XKR4: variants seen among roughly 807,000 people sequenced by gnomAD.
XKR4 encodes the protein XK-related protein 4.
In XKR4, 12 loss-of-function variants were observed where a neutral mutation model predicts 53.9. That is an observed-to-expected ratio of 0.22 (90% CI 0.14 to 0.36). The LOEUF is 0.36. Among genes scored for constraint, XKR4 ranks in the 10% least tolerant of loss-of-function variants. XKR4 has a pLI of 1.00. For missense variants in XKR4, 799 were observed against 859.5 expected, an observed-to-expected ratio of 0.93 and a Z score of 0.88; for synonymous variants, 354 against 362.4, an observed-to-expected ratio of 0.98 and a Z score of 0.26.
intron 1 of XKR4, among the ~76,000 whole-genome samples, chr8:55,350,350 C>A (rs1585533517): frequency 6.6e-6 from 1 of 152,150 alleles, no homozygotes; most frequent in Admixed American, 6.5e-5. Flanking sequence ...GTAGATGGAA[C>A]CTTAATCTAG....
chr8:55,356,825 CA>C lies in XKR4; in HGVS notation c.807-851del, dbSNP rs200930200. On this transcript the variant is annotated intron_variant, in intron 1 of 2. Coordinates refer to ENST00000327381, the MANE Select transcript of XKR4 (RefSeq NM_052898.2). ...CAGGCAAATTTTATTCCATCTCTAC[CA>C]ACCCTGAGACAGCAAAACCAACCCC... Among the ~76,000 whole-genome samples the C allele has an allele frequency of 2.2e-3, 338 of 152,210 alleles. 1 individual carries two copies. The highest frequency in any genetic ancestry group is 7.7e-3 in the African/African-American group (320 of 41,536).
chr8:55,336,321 C>G (rs1168191971), intron 1 of XKR4, among the ~76,000 whole-genome samples: 3 of 152,072 alleles, frequency 2.0e-5, no homozygotes, highest in Admixed American at 2.0e-4. Flanking sequence ...GTAAGAAGTG[C>G]CTTTTGCCTC....
intron 1 of XKR4, among the ~76,000 whole-genome samples, chr8:55,257,476 AAG>A (rs1818453432): frequency 6.6e-6 from 1 of 151,412 alleles, no homozygotes; most frequent in Non-Finnish European, 1.5e-5. Flanking sequence ...AAGAGAGAGA[AAG>A]GGCATGTACT....
intron 2 of XKR4, among the ~76,000 whole-genome samples, chr8:55,467,081 C>G (rs1307048589): frequency 6.6e-6 from 1 of 152,114 alleles, no homozygotes; most frequent in Non-Finnish European, 1.5e-5. Flanking sequence ...GCTGCAATCT[C>G]ATCTGGGCAC....
Position 55,523,657 on chromosome 8 carries a change from T to C in XKR4, c.1383T>C (p.Tyr461=), listed in dbSNP as rs1449373028. The C allele has an allele frequency of 6.2e-7, 1 of 1,614,210 alleles. No individual in the cohort carries two copies. Among genetic ancestry groups the C allele is most frequent in the Admixed American group, 1.7e-5 (1 of 60,026 alleles). The part of the protein sequence containing the change: ...GRTRCRLFIY[Y]FVILLENTAL... Reference sequence around the variant, plus strand: ...CACGCTGCAGGCTATTCATTTACTATTTTGTGATCCTTTTGGAAAATACAG... The same window carrying C: ...CACGCTGCAGGCTATTCATTTACTACTTTGTGATCCTTTTGGAAAATACAG... Residue 461 remains tyrosine (Y), a synonymous_variant, in exon 3 of 3, where the codon TAT becomes TAC. Coordinates refer to ENST00000327381, the MANE Select transcript of XKR4 (RefSeq NM_052898.2).
chr8:55,484,285 C>T (rs1806159665), intron 2 of XKR4, among the ~76,000 whole-genome samples: 1 of 152,164 alleles, frequency 6.6e-6, no homozygotes, highest in African/African-American at 2.4e-5. Context: ...CACAATCATC[C>T]AGAGCATAGA....
intron 2 of XKR4, among the ~76,000 whole-genome samples, chr8:55,400,278 A>C (rs577886980): frequency 6.6e-6 from 1 of 152,264 alleles, no homozygotes; most frequent in Admixed American, 6.5e-5. Flanking sequence ...ATGGCACCCC[A>C]CCATCATCAG....
At chr8:55,483,921 T>A (rs1234703859) in intron 2 of XKR4, among the ~76,000 whole-genome samples, 1 of 151,906 alleles carries the variant, frequency 6.6e-6, no homozygotes, top group Non-Finnish European at 1.5e-5. Context: ...TTTGAAAAGA[T>A]CAATAAAATT....
At position 55,524,413 on chromosome 8, in the gene XKR4, G is replaced by A. The variant is rs980404270; in HGVS notation, c.*186G>A. On this transcript the variant is annotated 3_prime_UTR_variant, in exon 3 of 3. Coordinates refer to ENST00000327381, the MANE Select transcript of XKR4 (RefSeq NM_052898.2). ...GTCTCCTTCCAAAGCAGCTGCACCC[G>A]AGAGTCTCTGACTCCACCTGAAAGA... 4.7e-5 allele frequency: 29 copies of A among 618,348 alleles called. No individual in the cohort carries two copies. Among genetic ancestry groups the A allele is most frequent in the Middle Eastern group, 8.7e-4 (2 of 2,292 alleles). 38.3% of individuals were successfully genotyped at this position (618,348 alleles called of 1,614,324 possible).
intron 1 of XKR4, among the ~76,000 whole-genome samples, chr8:55,200,212 C>T (rs569788851): frequency 5.3e-5 from 8 of 152,246 alleles, no homozygotes; most frequent in East Asian, 1.9e-4. Context: ...GGATTACAGG[C>T]GCCCACCACA....
chr8:55,107,838 T>A (rs965223979), intron 1 of XKR4, among the ~76,000 whole-genome samples: 3 of 152,218 alleles, frequency 2.0e-5, no homozygotes, highest in African/African-American at 7.2e-5. Context: ...ATCAAATGGT[T>A]ATTTTCTGCA....
Position 55,531,903 on chromosome 8 carries a change from G to A in XKR4, c.*7676G>A, listed in dbSNP as rs1806959423. The A allele has an allele frequency of 6.6e-6, 1 of 152,404 alleles. No homozygotes were observed. 9.4% of individuals were successfully genotyped at this position (152,404 alleles called of 1,614,324 possible). ...ATGCCCAGAAGAGCAGCACTGTGCT[G>A]CGTGACAATTTCAGGAGTCAGGAGT... On this transcript the variant is annotated 3_prime_UTR_variant, in exon 3 of 3. Transcript: ENST00000327381.
intron 2 of XKR4, chr8:55,451,401 TC>T: frequency 1.1e-6 from 1 of 897,416 alleles, no homozygotes. Context: ...GTGTGTTGCG[TC>T]CGGACGCACT....
At chr8:55,436,590 G>A (rs1056114869) in intron 2 of XKR4, among the ~76,000 whole-genome samples, 2 of 152,110 alleles carry the variant, frequency 1.3e-5, no homozygotes, top group African/African-American at 2.4e-5. Flanking sequence ...ACTCAAAGAG[G>A]ACTTTTCTTC....
At chr8:55,235,955 G>T (rs535702551) in intron 1 of XKR4, among the ~76,000 whole-genome samples, 1 of 152,184 alleles carries the variant, frequency 6.6e-6, no homozygotes, top group African/African-American at 2.4e-5. Flanking sequence ...GCCAGCTCAG[G>T]CCTCTCTGCA....
intron 1 of XKR4, among the ~76,000 whole-genome samples, chr8:55,143,432 TTA>T (rs1816732035): frequency 6.6e-6 from 1 of 152,334 alleles, no homozygotes; most frequent in African/African-American, 2.4e-5. Context: ...ACATAATTCT[TTA>T]TGTTGTTTTA....
chr8:55,187,988 G>A (rs1038409745), intron 1 of XKR4, among the ~76,000 whole-genome samples: 1 of 152,078 alleles, frequency 6.6e-6, no homozygotes, highest in Non-Finnish European at 1.5e-5. Context: ...TTTTCAGAAT[G>A]TGCATCCTTT....
intron 2 of XKR4, among the ~76,000 whole-genome samples, chr8:55,401,646 A>C (rs1804603181): frequency 6.6e-6 from 1 of 152,194 alleles, no homozygotes; most frequent in Non-Finnish European, 1.5e-5. Context: ...CTCAGAGCTA[A>C]GGGGAGAAGT....
At chr8:55,110,808 A>G (rs1239200143) in intron 1 of XKR4, among the ~76,000 whole-genome samples, 4 of 152,142 alleles carry the variant, frequency 2.6e-5, no homozygotes, top group African/African-American at 7.2e-5. Context: ...GGTATTTTTT[A>G]TGCTTCAGTC....
Sources: allele counts gnomAD v4.1 joint callset (sites outside exome capture counted in the v4.1 genomes callset), GRCh38; gene constraint gnomAD v4.1.1; transcripts MANE v1.5; gene names NCBI Gene and HGNC (gene_info 2026-07-23, HGNC 2026-07-21).